The following MAF variants were observed in gnomAD, a reference collection of about 807,000 sequenced individuals.
MAF encodes MAF bZIP transcription factor.
MAF carries 10 observed loss-of-function variants against 22.0 expected under a neutral mutation model. The ratio of observed to expected loss-of-function variants is 0.45; its 90% CI spans 0.28 to 0.77. MAF has a LOEUF of 0.77. Among genes scored for constraint, MAF ranks in the 30% least tolerant of loss-of-function variants. MAF has a pLI of 0.12. For missense variants in MAF, 544 were observed against 548.4 expected, an observed-to-expected ratio of 0.99 and a Z score of 0.08; for synonymous variants, 337 against 255.8, an observed-to-expected ratio of 1.32 and a Z score of -3.03.
downstream of MAF, among the ~76,000 whole-genome samples, chr16:79,584,402 C>T (rs1225947821): frequency 6.6e-6 from 1 of 152,182 alleles, no homozygotes; most frequent in Admixed American, 6.5e-5. Context: ...TTGTCCTTCT[C>T]CTCCCCAGAT....
At chr16:79,527,355 T>A in the MAF span, among the ~76,000 whole-genome samples, 1 of 152,166 alleles carries the variant, frequency 6.6e-6, no homozygotes, top group Non-Finnish European at 1.5e-5. Context: ...AAGAAAGCAA[T>A]CAACTCCCCA....
chr16:79,348,892 C>T, the MAF span, among the ~76,000 whole-genome samples: 5 of 152,154 alleles, frequency 3.3e-5, no homozygotes, highest in African/African-American at 4.8e-5. Flanking sequence ...TGTTGTTAAG[C>T]GTTCCGGTGA....
At chr16:79,359,021 G>A in the MAF span, among the ~76,000 whole-genome samples, 2 of 152,314 alleles carry the variant, frequency 1.3e-5, no homozygotes, top group East Asian at 3.9e-4. Context: ...ATATTTTTCA[G>A]GGAGGCCTGA....
chr16:79,291,157 G>A, the MAF span, among the ~76,000 whole-genome samples: 1,125 of 152,248 alleles, frequency 7.4e-3, 16 homozygotes, highest in African/African-American at 0.026. Flanking sequence ...AAATGGGGCC[G>A]TCGTCTGCTG....
chr16:79,211,034 A>AGTGTGTGTGTGTGT, the MAF span, among the ~76,000 whole-genome samples: 26,690 of 149,556 alleles, frequency 0.18, 3,078 homozygotes, highest in Non-Finnish European at 0.27. Context: ...TATGGTGAGG[A>AGTGTGTGTGTGTGT]GTGTGTGTGT....
At chr16:79,373,772 C>T in the MAF span, among the ~76,000 whole-genome samples, 8 of 152,104 alleles carry the variant, frequency 5.3e-5, no homozygotes, top group African/African-American at 1.7e-4. Flanking sequence ...TCTGCAAAGT[C>T]CCAGCAGCAA....
chr16:79,202,757 A>G, the MAF span: 5 of 152,224 alleles, frequency 3.3e-5, no homozygotes, highest in African/African-American at 7.2e-5. Flanking sequence ...AGCAGCATGC[A>G]TAGCTTGTTA....
chr16:79,583,745 C>G (rs535481175), downstream of MAF, among the ~76,000 whole-genome samples: 1 of 152,290 alleles, frequency 6.6e-6, no homozygotes, highest in South Asian at 2.1e-4. Context: ...AAGGGAGATT[C>G]AAAAGCCACC....
the MAF span, among the ~76,000 whole-genome samples, chr16:79,449,898 A>T: frequency 2.0e-5 from 3 of 152,194 alleles, no homozygotes; most frequent in Non-Finnish European, 2.9e-5. Context: ...AGCAGCGGCT[A>T]TGCAAGCTTA....
the MAF span, among the ~76,000 whole-genome samples, chr16:79,330,875 G>A: frequency 1.9e-4 from 29 of 152,310 alleles, no homozygotes; most frequent in South Asian, 3.9e-3. Flanking sequence ...ACCTGGCCAG[G>A]CCTGCCTGAC....
At chr16:79,591,549 A>G (rs542741863), downstream of MAF, among the ~76,000 whole-genome samples, 27 of 152,352 alleles carry the variant, frequency 1.8e-4, no homozygotes, top group South Asian at 6.2e-4. Context: ...GGTGCTCAAT[A>G]GAGGCTACGA....
chr16:79,464,466 A>G, the MAF span, among the ~76,000 whole-genome samples: 1 of 152,144 alleles, frequency 6.6e-6, no homozygotes, highest in African/African-American at 2.4e-5. Flanking sequence ...TTCTTTTTCA[A>G]CACAAGTCAA....
At chr16:79,489,466 T>A in the MAF span, among the ~76,000 whole-genome samples, 5 of 152,286 alleles carry the variant, frequency 3.3e-5, no homozygotes, top group South Asian at 1.0e-3. Flanking sequence ...CTGGGGGAAA[T>A]TCTCAGAAAG....
the MAF span, among the ~76,000 whole-genome samples, chr16:79,411,465 A>G: frequency 6.6e-6 from 1 of 152,206 alleles, no homozygotes; most frequent in African/African-American, 2.4e-5. Context: ...TGAAGCCTGC[A>G]TGACAATGAA....
At chr16:79,287,836 A>T in the MAF span, among the ~76,000 whole-genome samples, 1 of 152,112 alleles carries the variant, frequency 6.6e-6, no homozygotes, top group South Asian at 2.1e-4. Flanking sequence ...ACCTTGGGAG[A>T]ACCTCCTATG....
the MAF span, among the ~76,000 whole-genome samples, chr16:79,299,524 G>C: frequency 6.6e-6 from 1 of 152,168 alleles, no homozygotes; most frequent in Non-Finnish European, 1.5e-5. Flanking sequence ...AAGGAAGAGA[G>C]GGAAACTCAA....
the MAF span, among the ~76,000 whole-genome samples, chr16:79,492,269 G>A: frequency 3.3e-5 from 5 of 152,150 alleles, no homozygotes; most frequent in African/African-American, 4.8e-5. Context: ...AGGGTGAGGT[G>A]AGCGACGCAT....
the MAF span, among the ~76,000 whole-genome samples, chr16:79,450,114 C>G: frequency 1.3e-3 from 199 of 152,336 alleles, 1 homozygote; most frequent in African/African-American, 4.6e-3. Flanking sequence ...TAACTTTTCA[C>G]TTACATCAGC....
the MAF span, among the ~76,000 whole-genome samples, chr16:79,578,850 C>T: frequency 6.6e-6 from 1 of 152,118 alleles, no homozygotes; most frequent in Non-Finnish European, 1.5e-5. Flanking sequence ...CTTTAGGGCC[C>T]TCTGAGTACA....
Sources: allele counts gnomAD v4.1 joint callset (sites outside exome capture counted in the v4.1 genomes callset), GRCh38; gene constraint gnomAD v4.1.1; transcripts MANE v1.5; gene names NCBI Gene and HGNC (gene_info 2026-07-23, HGNC 2026-07-21).